S100A14: variants seen among roughly 807,000 people sequenced by gnomAD.
S100A14 encodes S100 calcium binding protein A14, also known as protein S100-A14.
In S100A14, 6 loss-of-function variants were observed where a neutral mutation model predicts 10.6. The observed-to-expected ratio is 0.57, with a 90% CI of 0.31 to 1.12. The LOEUF is 1.12. Among genes scored for constraint, S100A14 ranks in the 50% most tolerant of loss-of-function variants. The probability of loss-of-function intolerance (pLI) is 0.06; values close to 1 mark genes in which losing one functional copy is unlikely to be tolerated. For synonymous variants in S100A14, 51 were observed against 51.0 expected (o/e 1.00, Z 0.00); for missense variants, 121 against 128.7 (o/e 0.94, Z 0.29).
chr1:153,615,361 A>G lies in S100A14; in HGVS notation c.51T>C (p.Asp17=), dbSNP rs772807038. ...ANAEDAQEFS[D]VERAIETLIK... is the part of the protein sequence containing the mutation. ...TGAGGGTCTCAATGGCCCTCTCCAC[A>G]TCACTGAATTCCTGAGCATCCTGAG... is the stretch of plus-strand genomic sequence containing the variant. Residue 17 remains aspartate, a synonymous_variant, in exon 3 of 4, where the codon GAT becomes GAC. Coordinates refer to ENST00000344616, the MANE Select transcript of S100A14 (RefSeq NM_020672.3). 3 of 1,613,786 alleles carry G rather than the reference A, an allele frequency of 1.9e-6. No individual in the cohort carries two copies. The highest frequency in any genetic ancestry group is 3.3e-5 in the Admixed American group (2 of 60,004).
chr1:153,615,070 T>A, intron 3 of S100A14, 48 bp from the exon 4 acceptor site: 1 of 1,603,700 alleles, frequency 6.2e-7, no homozygotes, highest in Non-Finnish European at 8.5e-7. Flanking sequence ...CACCTTCCAA[T>A]CTTCCCACCC....
Position 153,614,760 on chromosome 1 carries a change from A to C in S100A14, c.*125T>G, listed in dbSNP as rs1666921963. On this transcript the variant is annotated 3_prime_UTR_variant, in exon 4 of 4. Transcript: ENST00000344616. ...GAGTGCACAGAGACCTGGGGAAGGA[A>C]GCTGAACTTTGCAGAGATGAGGACA... 2 of 1,188,592 alleles carry C rather than the reference A, an allele frequency of 1.7e-6. No homozygotes were observed. Among genetic ancestry groups the C allele is most frequent in the South Asian group, 3.1e-5 (2 of 64,746 alleles). 73.6% of individuals were successfully genotyped at this position (1,188,592 alleles called of 1,614,324 possible).
Position 153,614,845 on chromosome 1 carries a change from G to GTC in S100A14, c.*38_*39dup. The stretch of plus-strand genomic sequence containing the variant: ...GACAAGTTTTATCTCCAGGCCCACA[G>GTC]TCTCTCCCCAACACCCCCCAAGAAT... On this transcript the variant is annotated 3_prime_UTR_variant, in exon 4 of 4. Transcript: ENST00000344616. The GTC allele has an allele frequency of 6.2e-7, 1 of 1,603,056 alleles. No homozygotes were observed. Among genetic ancestry groups the GTC allele is most frequent in the Non-Finnish European group, 8.5e-7 (1 of 1,174,616 alleles).
chr1:153,615,464 C>A, intron 2 of S100A14, 83 bp from the exon 3 acceptor site: 2 of 1,514,292 alleles, frequency 1.3e-6, no homozygotes, highest in South Asian at 1.3e-5. Context: ...GCAAAGCCCC[C>A]AGGGCAGAAG....
intron 3 of S100A14, 22 bp from the exon 4 acceptor site, chr1:153,615,044 T>C (rs756805123): frequency 2.7e-5 from 43 of 1,612,310 alleles, no homozygotes; most frequent in Middle Eastern, 1.6e-4. Context: ...GAAGAAACCA[T>C]GGCTCAGGGA....
In S100A14 at chr1:153,615,800, G is replaced by A. The variant is rs780981786; in HGVS notation, c.30+29C>T. The A allele has an allele frequency of 7.4e-6, 12 of 1,612,806 alleles. No homozygotes were observed. In the African/African-American group the frequency reaches 1.5e-4, roughly 20 times the overall value. ...CAGGGTGAAGGAGAGGAGTGTGGGA[G>A]CAGAAAGGCCAGGAGTGAATGAGCC... On this transcript the variant is annotated intron_variant, in intron 2 of 3. Transcript: ENST00000344616.
intron 1 of S100A14, 63 bp from the exon 2 acceptor site, chr1:153,615,999 C>A: frequency 1.3e-6 from 1 of 775,042 alleles, no homozygotes; most frequent in Non-Finnish European, 2.1e-6. Flanking sequence ...TCTCAGCTGC[C>A]CCCTTTGGCT....
chr1:153,615,435 C>T, intron 2 of S100A14, 54 bp from the exon 3 acceptor site: 1 of 1,584,624 alleles, frequency 6.3e-7, no homozygotes, highest in Non-Finnish European at 8.6e-7. Flanking sequence ...CCCCAAAACC[C>T]TGCTTCTCCA....
At position 153,614,496 on chromosome 1, in the gene S100A14, A is replaced by T. The variant is rs770670221; in HGVS notation, c.*389T>A. 26 of 174,912 alleles carry T rather than the reference A, an allele frequency of 1.5e-4. No homozygotes were observed. The highest frequency in any genetic ancestry group is 2.5e-4 in the Non-Finnish European group (20 of 81,194). The allele number at this position is 174,912 out of a possible 1,614,324, so 10.8% of individuals were successfully genotyped here. On this transcript the variant is annotated 3_prime_UTR_variant, in exon 4 of 4. Coordinates refer to ENST00000344616, the MANE Select transcript of S100A14 (RefSeq NM_020672.3). ...AGCTATGGTTTGGATTGGGGAAGAG[A>T]TTAGGAAGTAGGTTCTTAAAGACCC... is the stretch of plus-strand genomic sequence containing the variant.
intron 1 of S100A14, 121 bp from the exon 2 acceptor site, chr1:153,616,057 C>T (rs1666958151): frequency 1.8e-6 from 1 of 551,536 alleles, no homozygotes; most frequent in Non-Finnish European, 3.3e-6. Context: ...ACCAACACCA[C>T]ATAGGCCCAG....
In S100A14 at chr1:153,614,731, G is replaced by A; in HGVS notation, c.*154C>T. ...CCCATGAGCTCCCCAGAGCATCCAA[G>A]ACAGAGTGCACAGAGACCTGGGGAA... On this transcript the variant is annotated 3_prime_UTR_variant, in exon 4 of 4. Coordinates refer to ENST00000344616, the MANE Select transcript of S100A14 (RefSeq NM_020672.3). 1 of 918,574 alleles carries A rather than the reference G, an allele frequency of 1.1e-6. No individual in the cohort carries two copies. 56.9% of individuals were successfully genotyped at this position (918,574 alleles called of 1,614,324 possible). A position where few individuals can be genotyped will look rare whatever the true frequency, so the allele number is the denominator to read the frequency against.
chr1:153,615,439 T>G (rs1209394925), intron 2 of S100A14, 58 bp from the exon 3 acceptor site: 1 of 1,578,988 alleles, frequency 6.3e-7, no homozygotes, highest in African/African-American at 1.3e-5. Context: ...AAAACCCTGC[T>G]TCTCCAGGAG....
intron 3 of S100A14, 27 bp from the exon 4 acceptor site, chr1:153,615,049 C>G (rs765640437): frequency 5.0e-6 from 8 of 1,611,374 alleles, no homozygotes; most frequent in Non-Finnish European, 6.8e-6. Context: ...AACCATGGCT[C>G]AGGGATGCAG....
rs749856788 is a variant in S100A14 at position 153,614,859 on chromosome 1, C to T, written c.*26G>A. Reference sequence around the variant, plus strand: ...CCAGGCCCACAGTCTCTCCCCAACACCCCCCAAGAATTCCAGAGGGAGTTC... The same window carrying T: ...CCAGGCCCACAGTCTCTCCCCAACATCCCCCAAGAATTCCAGAGGGAGTTC... On this transcript the variant is annotated 3_prime_UTR_variant, in exon 4 of 4. Coordinates refer to ENST00000344616, the MANE Select transcript of S100A14 (RefSeq NM_020672.3). 1.9e-6 allele frequency: 3 copies of T among 1,608,620 alleles called. No individual in the cohort carries two copies. The highest frequency in any genetic ancestry group is 2.5e-6 in the Non-Finnish European group (3 of 1,177,160).
rs1666932881 is a variant in S100A14 at position 153,615,110 on chromosome 1, A to T, written c.178-88T>A. The T allele has an allele frequency of 6.9e-6, 11 of 1,586,788 alleles. No individual in the cohort carries two copies. In the South Asian group the frequency reaches 9.3e-5, roughly 13 times the overall value. ...CTGCCCACGGGCAGACAGCAGGAGCAGAGGCTACCTAGCACTGGCAAGGGG... is the reference window on the plus strand; with the variant it reads ...CTGCCCACGGGCAGACAGCAGGAGCTGAGGCTACCTAGCACTGGCAAGGGG... On this transcript the variant is annotated intron_variant, in intron 3 of 3. Coordinates refer to ENST00000344616, the MANE Select transcript of S100A14 (RefSeq NM_020672.3).
intron 1 of S100A14, 148 bp from the exon 2 acceptor site, chr1:153,616,084 A>C: frequency 2.0e-6 from 1 of 494,866 alleles, no homozygotes; most frequent in South Asian, 3.0e-5. Context: ...CCTGGGCTTC[A>C]GGAGCCAAGG....
chr1:153,616,185 C>A, intron 1 of S100A14, 110 bp downstream of exon 1: 1 of 281,964 alleles, frequency 3.5e-6, no homozygotes. Flanking sequence ...CCCACCTCTG[C>A]TTGAAACACA....
At position 153,614,703 on chromosome 1, in the gene S100A14, C is replaced by T. The variant is rs1321891075; in HGVS notation, c.*182G>A. 11 of 679,840 alleles carry T rather than the reference C, an allele frequency of 1.6e-5. No homozygotes were observed. The highest frequency in any genetic ancestry group is 2.6e-5 in the Non-Finnish European group (11 of 424,518). The allele number at this position is 679,840 out of a possible 1,614,324, so 42.1% of individuals were successfully genotyped here. On this transcript the variant is annotated 3_prime_UTR_variant, in exon 4 of 4. Transcript: ENST00000344616. The stretch of plus-strand genomic sequence containing the variant: ...GAGCCTCCCTCTGGTGGAGACTCCT[C>T]CACCCATGAGCTCCCCAGAGCATCC...
intron 2 of S100A14, 86 bp downstream of exon 2, chr1:153,615,743 A>G: frequency 7.0e-7 from 1 of 1,434,640 alleles, no homozygotes; most frequent in South Asian, 1.2e-5. Context: ...GCCAAGGTGA[A>G]GGGCAGAAGT....
Sources: allele counts gnomAD v4.1 joint callset, GRCh38; gene constraint gnomAD v4.1.1; transcripts MANE v1.5; gene names NCBI Gene and HGNC (gene_info 2026-07-23, HGNC 2026-07-21).